Variants in TNFRSF8 observed in about 807,000 individuals in gnomAD.
TNFRSF8 encodes the protein tumor necrosis factor receptor superfamily member 8.
TNFRSF8 carries 26 observed loss-of-function variants against 70.8 expected under a neutral mutation model. The ratio of observed to expected loss-of-function variants is 0.37; its 90% CI spans 0.27 to 0.51. The LOEUF (loss-of-function observed/expected upper bound fraction) is 0.51, where lower values mean the gene tolerates loss of function less well. Ranked by LOEUF, TNFRSF8 falls within the 20% of genes least tolerant of loss-of-function variation. TNFRSF8 has a pLI of 0.94. For synonymous variants in TNFRSF8, 356 were observed against 339.2 expected (o/e 1.05, Z -0.54); for missense variants, 720 against 807.9 (o/e 0.89, Z 1.32).
At chr1:12,118,204 G>A (rs1188215496) in intron 8 of TNFRSF8, among the ~76,000 whole-genome samples, 1 of 147,628 alleles carries the variant, frequency 6.8e-6, no homozygotes, top group Non-Finnish European at 1.5e-5. Context: ...TCTGCCTCCT[G>A]GGTTTGAGCT....
intron 12 of TNFRSF8, among the ~76,000 whole-genome samples, chr1:12,134,792 C>G (rs961241741): frequency 6.6e-6 from 1 of 152,210 alleles, no homozygotes; most frequent in Non-Finnish European, 1.5e-5. Flanking sequence ...GTCTCCATGA[C>G]CTGCCTTGAG....
At chr1:12,132,742 G>A (rs1243868630) in intron 12 of TNFRSF8, among the ~76,000 whole-genome samples, 1 of 150,046 alleles carries the variant, frequency 6.7e-6, no homozygotes, top group Non-Finnish European at 1.5e-5. Context: ...GGAGGCTGAG[G>A]CAGGAGGATC....
Position 12,070,945 on chromosome 1 carries a change from C to T in TNFRSF8, c.63+7284C>T, listed in dbSNP as rs1352703773. Reference sequence around the variant, plus strand: ...GTCCTGGTGCCACCTGGGCCAAAGACCACTCCCCAGTAGACTCACCTTACT... The same window carrying T: ...GTCCTGGTGCCACCTGGGCCAAAGATCACTCCCCAGTAGACTCACCTTACT... On this transcript the variant is annotated intron_variant, in intron 1 of 14. Transcript: ENST00000263932. 2.6e-5 allele frequency among the ~76,000 whole-genome samples: 4 copies of T among 152,282 alleles called. No individual in the cohort carries two copies. In the East Asian group the frequency reaches 7.7e-4, roughly 29 times the overall value.
intron 12 of TNFRSF8, 93 bp downstream of exon 12, chr1:12,126,329 A>C (rs1570069308): frequency 6.8e-7 from 1 of 1,461,300 alleles, no homozygotes. Context: ...CTGAACTTCT[A>C]CCCCAGCCTC....
At chr1:12,092,674 A>AT (rs1641265840) in intron 2 of TNFRSF8, among the ~76,000 whole-genome samples, 1 of 151,138 alleles carries the variant, frequency 6.6e-6, no homozygotes, top group South Asian at 2.1e-4. Context: ...CACCCGGCTA[A>AT]TTTTTTTGTA....
At chr1:12,071,916 C>T (rs1233073409) in intron 1 of TNFRSF8, among the ~76,000 whole-genome samples, 1 of 152,116 alleles carries the variant, frequency 6.6e-6, no homozygotes, top group Non-Finnish European at 1.5e-5. Context: ...AGGATGGTTT[C>T]GAACTCCTGA....
chr1:12,088,781 G>T lies in TNFRSF8; in HGVS notation c.151+4230G>T, dbSNP rs1641197058. 6.6e-6 allele frequency among the ~76,000 whole-genome samples: 1 copy of T among 152,238 alleles called. No individual in the cohort carries two copies. Among genetic ancestry groups the T allele is most frequent in the Non-Finnish European group, 1.5e-5 (1 of 68,040 alleles). On this transcript the variant is annotated intron_variant, in intron 2 of 14. Transcript: ENST00000263932. The surrounding 1 kb of genome is among the most constrained non-coding windows in gnomAD (Gnocchi z 4.0). The stretch of plus-strand genomic sequence containing the variant: ...TGAACAGGAAGGAGGAGGAGGAGGG[G>T]GTTTGTGGGTTCCCCCAGCTTCCGC...
intron 1 of TNFRSF8, among the ~76,000 whole-genome samples, chr1:12,080,110 G>A (rs1641038113): frequency 2.0e-5 from 3 of 151,824 alleles, no homozygotes; most frequent in South Asian, 2.1e-4. Flanking sequence ...CACCATGCCC[G>A]GCTTATTTTT....
intron 2 of TNFRSF8, among the ~76,000 whole-genome samples, chr1:12,090,807 T>C (rs1424456764): frequency 6.6e-6 from 1 of 152,190 alleles, no homozygotes; most frequent in Non-Finnish European, 1.5e-5. Flanking sequence ...ATAGTTTGAA[T>C]TCCCCCAGAA....
Position 12,069,197 on chromosome 1 carries a change from T to A in TNFRSF8, c.63+5536T>A, listed in dbSNP as rs868497000. Among the ~76,000 whole-genome samples the A allele has an allele frequency of 2.1e-3, 188 of 89,124 alleles. 1 individual carries two copies. The highest frequency in any genetic ancestry group is 8.1e-3 in the African/African-American group (173 of 21,468). The allele number at this position is 89,124 out of a possible 152,430, so 58.5% of individuals were successfully genotyped here. ...TTTTTTTTTTTTTTTTTTTTTTTTT[T>A]GATGGAGTTTCGCTCTTGTTGCCCA... is the stretch of plus-strand genomic sequence containing the variant. On this transcript the variant is annotated intron_variant, in intron 1 of 14. Transcript: ENST00000263932.
At chr1:12,129,054 C>A (rs1301480646) in intron 12 of TNFRSF8, among the ~76,000 whole-genome samples, 1 of 151,644 alleles carries the variant, frequency 6.6e-6, no homozygotes, top group Non-Finnish European at 1.5e-5. Flanking sequence ...AGGCTGGTCT[C>A]AAACTCCTGA....
chr1:12,085,356 C>T (rs895275562), intron 2 of TNFRSF8, among the ~76,000 whole-genome samples: 4 of 152,232 alleles, frequency 2.6e-5, no homozygotes, highest in East Asian at 1.9e-4. Flanking sequence ...GTGATCCACC[C>T]GCCTCAGCCT....
chr1:12,097,858 CTGTT>C (rs1276426431), intron 3 of TNFRSF8, among the ~76,000 whole-genome samples: 20 of 151,990 alleles, frequency 1.3e-4, no homozygotes, highest in Middle Eastern at 3.2e-3. Flanking sequence ...AATGTGTATT[CTGTT>C]TGTTGCGTAT....
At chr1:12,129,767 G>A (rs1311298597) in intron 12 of TNFRSF8, among the ~76,000 whole-genome samples, 7 of 152,112 alleles carry the variant, frequency 4.6e-5, no homozygotes, top group Admixed American at 1.3e-4. Flanking sequence ...TACTTTGAGC[G>A]CTCGACGGAG....
In TNFRSF8 at chr1:12,108,074, A is replaced by ATTTTTTTTTTTTTT. The variant is rs199941905; in HGVS notation, c.422-1485_422-1484insTTTTTTTTTTTTTT. Among the ~76,000 whole-genome samples, 423 of 146,092 alleles carry ATTTTTTTTTTTTTT rather than the reference A, an allele frequency of 2.9e-3. 6 individuals are homozygous for ATTTTTTTTTTTTTT. Among genetic ancestry groups the ATTTTTTTTTTTTTT allele is most frequent in the Non-Finnish European group, 4.5e-3 (300 of 66,376 alleles). On this transcript the variant is annotated intron_variant, in intron 4 of 14. Coordinates refer to ENST00000263932, the MANE Select transcript of TNFRSF8 (RefSeq NM_001243.5). This position sits in a 1 kb window ranked among gnomAD's most constrained non-coding sequence, Gnocchi z 4.0. Reference sequence around the variant, plus strand: ...CGAAGTCCCACACATACAGGCCACCATTTTTTTATTTTTTTTTTTTTTGTG... The same window carrying ATTTTTTTTTTTTTT: ...CGAAGTCCCACACATACAGGCCACCATTTTTTTTTTTTTTTTTTTTTATTTTTTTTTTTTTTGTG...
At chr1:12,087,427 T>G (rs1471589775) in intron 2 of TNFRSF8, among the ~76,000 whole-genome samples, 2 of 152,100 alleles carry the variant, frequency 1.3e-5, no homozygotes, top group African/African-American at 2.4e-5. Context: ...CTTGGCCTCA[T>G]AAAGTGCTGG....
At chr1:12,066,501 T>C (rs569135843) in intron 1 of TNFRSF8, among the ~76,000 whole-genome samples, 21 of 152,104 alleles carry the variant, frequency 1.4e-4, no homozygotes, top group African/African-American at 4.8e-4. Flanking sequence ...TTACAGGCAC[T>C]TGCCATCATG....
In TNFRSF8 at chr1:12,132,473, T is replaced by A. The variant is rs1414514842; in HGVS notation, c.1310-3115T>A. 2.0e-5 allele frequency among the ~76,000 whole-genome samples: 3 copies of A among 152,216 alleles called. No individual in the cohort carries two copies. In the East Asian group the frequency reaches 5.8e-4, roughly 29 times the overall value. On this transcript the variant is annotated intron_variant, in intron 12 of 14. Coordinates refer to ENST00000263932, the MANE Select transcript of TNFRSF8 (RefSeq NM_001243.5). Reference sequence around the variant, plus strand: ...CCTGTCTCCTGGGATCTGTCTGATGTCTTCCCCATGATTAGACTGGAGTTA... The same window carrying A: ...CCTGTCTCCTGGGATCTGTCTGATGACTTCCCCATGATTAGACTGGAGTTA...
chr1:12,116,343 C>G (rs1306609542), intron 8 of TNFRSF8, among the ~76,000 whole-genome samples: 1 of 152,180 alleles, frequency 6.6e-6, no homozygotes, highest in Non-Finnish European at 1.5e-5. Flanking sequence ...AGATGAATAT[C>G]AAGTTTCTGA....
Sources: allele counts gnomAD v4.1 joint callset (sites outside exome capture counted in the v4.1 genomes callset), GRCh38; gene constraint gnomAD v4.1.1; non-coding constraint Gnocchi (gnomAD v3.1); transcripts MANE v1.5; gene names NCBI Gene and HGNC (gene_info 2026-07-23, HGNC 2026-07-21).